Variants in ADGRL3 observed in about 807,000 individuals in gnomAD.
The protein encoded by ADGRL3 is adhesion G protein-coupled receptor L3, also known as calcium-independent alpha-latrotoxin receptor 3.
In ADGRL3, 62 loss-of-function variants were observed where a neutral mutation model predicts 153.5. The observed-to-expected ratio is 0.40, with a 90% confidence interval of 0.33 to 0.50. The LOEUF (loss-of-function observed/expected upper bound fraction) is 0.50, where lower values mean the gene tolerates loss of function less well. Ranked by LOEUF, ADGRL3 falls within the 20% of genes least tolerant of loss-of-function variation. ADGRL3 has a pLI of 0.47. For missense variants in ADGRL3, 1,641 were observed against 1,859.4 expected (o/e 0.88, Z 2.16); for synonymous variants, 710 against 672.5 (o/e 1.06, Z -0.86).
At chr4:61,588,707 G>A (rs930949390) in intron 5 of ADGRL3, among the ~76,000 whole-genome samples, 4 of 151,902 alleles carry the variant, frequency 2.6e-5, no homozygotes, top group Non-Finnish European at 4.4e-5. Context: ...TTATCGTTAC[G>A]TATTTGACAT....
At chr4:61,477,946 A>C (rs568950895) in intron 2 of ADGRL3, among the ~76,000 whole-genome samples, 1 of 152,050 alleles carries the variant, frequency 6.6e-6, no homozygotes, top group Non-Finnish European at 1.5e-5. Context: ...ATAGTTTAAG[A>C]GTTTTCATTA....
intron 17 of ADGRL3, among the ~76,000 whole-genome samples, chr4:61,964,530 G>T (rs2150538325): frequency 6.6e-6 from 1 of 152,016 alleles, no homozygotes; most frequent in South Asian, 2.1e-4. Flanking sequence ...TAATGAAATT[G>T]TCTAATAATA....
intron 19 of ADGRL3, 88 bp downstream of exon 19, chr4:61,983,691 C>CAG: frequency 8.6e-7 from 1 of 1,159,412 alleles, no homozygotes; most frequent in Non-Finnish European, 1.3e-6. Flanking sequence ...TATTACCTCA[C>CAG]AGTGAAGAAA....
rs1034042280 is a variant in ADGRL3 at position 61,799,911 on chromosome 4, G to T, written c.1400-13898G>T. ...ATCCTCACCACAATCCTATGAAAAG[G>T]GATTGTTTGCTTTTTATAGATGAAG... On this transcript the variant is annotated intron_variant, in intron 8 of 26. Transcript: ENST00000683033. Among the ~76,000 whole-genome samples, 10 of 152,010 alleles carry T rather than the reference G, an allele frequency of 6.6e-5. 1 individual carries two copies. The highest frequency in any genetic ancestry group is 2.1e-4 in the South Asian group (1 of 4,816).
At chr4:61,936,775 T>C (rs180882455) in intron 15 of ADGRL3, among the ~76,000 whole-genome samples, 1 of 45,720 alleles carries the variant, frequency 2.2e-5, no homozygotes, top group African/African-American at 7.4e-5. Flanking sequence ...CATATGTACA[T>C]ATGCATACAC....
At chr4:61,581,094 G>A (rs2098922878) in intron 4 of ADGRL3, among the ~76,000 whole-genome samples, 1 of 152,066 alleles carries the variant, frequency 6.6e-6, no homozygotes, top group Non-Finnish European at 1.5e-5. Context: ...GCAGCATGGA[G>A]CAATTTATAG....
chr4:61,527,652 A>G (rs1313775663), intron 4 of ADGRL3, among the ~76,000 whole-genome samples: 2 of 152,196 alleles, frequency 1.3e-5, no homozygotes, highest in Admixed American at 6.5e-5. Flanking sequence ...GAATTTTTGT[A>G]AGATGTTGAT....
intron 4 of ADGRL3, among the ~76,000 whole-genome samples, chr4:61,526,262 A>C (rs1192666309): frequency 6.6e-6 from 1 of 152,164 alleles, no homozygotes; most frequent in Non-Finnish European, 1.5e-5. Context: ...TCACTGATAA[A>C]TTACTGACTC....
At chr4:61,562,274 G>C (rs1008825914) in intron 4 of ADGRL3, among the ~76,000 whole-genome samples, 7 of 152,140 alleles carry the variant, frequency 4.6e-5, no homozygotes, top group Non-Finnish European at 7.4e-5. Flanking sequence ...ATCTTTCCCT[G>C]ATGCTGATGG....
chr4:61,653,170 TCACACA>T (rs34273823), intron 5 of ADGRL3, among the ~76,000 whole-genome samples: 8,110 of 90,912 alleles, frequency 0.089, 528 homozygotes, highest in East Asian at 0.2. Flanking sequence ...TCTCTCTCTC[TCACACA>T]CACACACACA....
intron 9 of ADGRL3, among the ~76,000 whole-genome samples, chr4:61,835,244 G>A (rs1479223319): frequency 6.7e-6 from 1 of 149,630 alleles, no homozygotes; most frequent in Non-Finnish European, 1.5e-5. Flanking sequence ...CGAGTTCTGC[G>A]GCTCCTCCTC....
At chr4:61,961,954 T>A (rs2098989514) in intron 17 of ADGRL3, among the ~76,000 whole-genome samples, 1 of 152,230 alleles carries the variant, frequency 6.6e-6, no homozygotes. Flanking sequence ...AATTCATATC[T>A]AACTATTTGA....
chr4:61,581,544 G>A (rs921652915), intron 4 of ADGRL3, among the ~76,000 whole-genome samples: 1 of 151,984 alleles, frequency 6.6e-6, no homozygotes, highest in Non-Finnish European at 1.5e-5. Flanking sequence ...GGCCATAGTT[G>A]CTGTGTCTCC....
intron 5 of ADGRL3, among the ~76,000 whole-genome samples, chr4:61,650,465 G>C (rs1200832189): frequency 6.6e-6 from 1 of 151,992 alleles, no homozygotes; most frequent in Non-Finnish European, 1.5e-5. Flanking sequence ...CTTGGCTGAG[G>C]TTTCTCCATA....
chr4:62,070,641 C>A lies in ADGRL3; in HGVS notation c.4365C>A (p.Ser1455Arg). 6.4e-7 allele frequency: 1 copy of A among 1,551,634 alleles called. No individual in the cohort carries two copies. Among genetic ancestry groups the A allele is most frequent in the East Asian group, 2.4e-5 (1 of 40,894 alleles). Residue 1455 changes from serine to arginine, a missense_variant, in exon 27 of 27, where the codon AGC becomes AGA. Ser to Arg is a moderately radical substitution (Grantham distance 110). This residue lies in a region of ADGRL3 where 517 missense variants were observed against 555.0 expected (regional missense o/e 0.93). Coordinates refer to ENST00000683033, the MANE Select transcript of ADGRL3 (RefSeq NM_001387552.1). ...CCCATAGAGACTCTCTCTATACCAG[C>A]ATGCCGACACTGGCTGGTGTGGCCG... ...QSPHRDSLYT[S>R]MPTLAGVAAT...
chr4:62,001,935 T>A (rs1191398622), intron 21 of ADGRL3, among the ~76,000 whole-genome samples: 1 of 152,130 alleles, frequency 6.6e-6, no homozygotes, highest in Admixed American at 6.6e-5. Flanking sequence ...AAACAAGTCA[T>A]TCATTCAGTT....
At chr4:61,743,935 G>A (rs1165436690) in intron 8 of ADGRL3, among the ~76,000 whole-genome samples, 2 of 152,178 alleles carry the variant, frequency 1.3e-5, no homozygotes, top group Admixed American at 1.3e-4. Flanking sequence ...AAGTGCAAGG[G>A]GTCAGGGACT....
chr4:61,349,764 C>T (rs1312556452), intron 1 of ADGRL3, among the ~76,000 whole-genome samples: 1 of 152,014 alleles, frequency 6.6e-6, no homozygotes, highest in Non-Finnish European at 1.5e-5. Flanking sequence ...CATTAAACTG[C>T]GGGGCCTATA....
chr4:62,067,679 A>G (rs1743710099), intron 25 of ADGRL3, among the ~76,000 whole-genome samples: 2 of 152,108 alleles, frequency 1.3e-5, no homozygotes, highest in African/African-American at 4.8e-5. Context: ...CACAATTATG[A>G]AAGTCTTCAA....
Sources: allele counts gnomAD v4.1 joint callset (sites outside exome capture counted in the v4.1 genomes callset), GRCh38; gene constraint gnomAD v4.1.1; regional missense constraint gnomAD v4.1.1; transcripts MANE v1.5; gene names NCBI Gene and HGNC (gene_info 2026-07-23, HGNC 2026-07-21).